The following C16orf74 variants were observed in gnomAD, a reference collection of about 807,000 sequenced individuals.
C16orf74 encodes the protein calcimembrin, also known as uncharacterized protein C16orf74.
Under a neutral mutation model 6.5 loss-of-function variants are expected in C16orf74, and 10 were observed. The observed-to-expected ratio is 1.54, with a 90% CI of 0.95 to 2.61. The LOEUF is 2.61. C16orf74 is among the 30% of genes most tolerant of loss of function. C16orf74 has a pLI of 0.00. For synonymous variants in C16orf74, 60 were observed against 42.5 expected, an observed-to-expected ratio of 1.41 and a Z score of -1.60; for missense variants, 141 against 105.9, an observed-to-expected ratio of 1.33 and a Z score of -1.45.
intron 2 of C16orf74, among the ~76,000 whole-genome samples, chr16:85,712,534 T>G (rs1598780184): frequency 6.6e-6 from 1 of 152,192 alleles, no homozygotes; most frequent in South Asian, 2.1e-4. Flanking sequence ...AGGTTACACC[T>G]GGGCTGTCAG....
In C16orf74 at chr16:85,710,171, C is replaced by G. The variant is rs779987426; in HGVS notation, c.165G>C (p.Gly55=). The G allele has an allele frequency of 9.6e-6, 14 of 1,454,818 alleles. No individual in the cohort carries two copies. In the African/African-American group the frequency reaches 2.1e-4, roughly 22 times the overall value. 90.1% of individuals were successfully genotyped at this position (1,454,818 alleles called of 1,614,324 possible). A position where few individuals can be genotyped will look rare whatever the true frequency, so the allele number is the denominator to read the frequency against. Residue 55 remains glycine, a synonymous_variant, in exon 3 of 4, where the codon GGG becomes GGC. Transcript: ENST00000284245. ...TGGAGGGGACGGCCTCACCTGTGCT[C>G]CCCAAGTCCCTCGGCAGCATCATGC... ...PTGMMLPRDL[G]STVWLDETGS...
At chr16:85,727,996 G>A (rs2054151370) in intron 2 of C16orf74, among the ~76,000 whole-genome samples, 2 of 150,478 alleles carry the variant, frequency 1.3e-5, no homozygotes, top group African/African-American at 4.9e-5. Flanking sequence ...AAAATTAGCT[G>A]GGCGTGGTGT....
At chr16:85,730,556 C>T (rs1048246559) in intron 2 of C16orf74, among the ~76,000 whole-genome samples, 2 of 131,346 alleles carry the variant, frequency 1.5e-5, no homozygotes, top group Admixed American at 8.1e-5. Flanking sequence ...TGAACCCCCA[C>T]ATCAGCCAAC....
intron 2 of C16orf74, among the ~76,000 whole-genome samples, chr16:85,714,836 C>T (rs544115228): frequency 6.6e-6 from 1 of 152,044 alleles, no homozygotes; most frequent in Non-Finnish European, 1.5e-5. Context: ...AGGTCTAATA[C>T]AGTGGGGTTT....
intron 1 of C16orf74, among the ~76,000 whole-genome samples, chr16:85,742,875 G>T (rs2054325630): frequency 6.6e-6 from 1 of 152,098 alleles, no homozygotes; most frequent in Non-Finnish European, 1.5e-5. Context: ...TCCAGCCTTG[G>T]GTATTCCTTT....
chr16:85,726,555 A>G (rs1414674090), intron 2 of C16orf74, among the ~76,000 whole-genome samples: 2 of 152,140 alleles, frequency 1.3e-5, no homozygotes, highest in Non-Finnish European at 2.9e-5. Context: ...AGCCCATTTT[A>G]CAGACAGGGA....
chr16:85,713,811 G>T (rs572677698), intron 2 of C16orf74, among the ~76,000 whole-genome samples: 1 of 152,154 alleles, frequency 6.6e-6, no homozygotes, highest in Non-Finnish European at 1.5e-5. Flanking sequence ...GTGCTGTCAC[G>T]CACCATCGTC....
At chr16:85,720,178 T>C (rs1337767252) in intron 2 of C16orf74, among the ~76,000 whole-genome samples, 1 of 152,122 alleles carries the variant, frequency 6.6e-6, no homozygotes, top group African/African-American at 2.4e-5. Flanking sequence ...GTGGATGTTT[T>C]AAATCTCTTT....
At chr16:85,737,138 AGAG>A (rs569878222) in intron 1 of C16orf74, among the ~76,000 whole-genome samples, 100 of 152,318 alleles carry the variant, frequency 6.6e-4, no homozygotes, top group African/African-American at 2.3e-3. Context: ...TGCTGGGGAC[AGAG>A]GAGAAGTCCG....
In C16orf74 at chr16:85,710,307, C is replaced by G. The variant is rs781002103; in HGVS notation, c.29G>C (p.Gly10Ala). Residue 10 changes from glycine to alanine, a missense_variant and splice_region_variant, in exon 3 of 4, where the codon GGC (glycine) becomes GCC (alanine). Transcript: ENST00000284245. Reference sequence around the variant, plus strand: ...GCTGCTGCTGACACACATTTGAAAGCCTGAGAAGCCAGGCGTGGAGCACAC... The same window carrying G: ...GCTGCTGCTGACACACATTTGAAAGGCTGAGAAGCCAGGCGTGGAGCACAC... MGLKMSCLK[G>A]FQMCVSSSSS... 6 of 1,505,184 alleles carry G rather than the reference C, an allele frequency of 4.0e-6. No homozygotes were observed. In the Admixed American group the frequency reaches 1.2e-4, roughly 31 times the overall value. The allele number at this position is 1,505,184 out of a possible 1,614,324, so 93.2% of individuals were successfully genotyped here. A position where few individuals can be genotyped will look rare whatever the true frequency, so the allele number is the denominator to read the frequency against.
intron 2 of C16orf74, among the ~76,000 whole-genome samples, chr16:85,731,701 T>C (rs1228965441): frequency 1.3e-5 from 2 of 152,078 alleles, no homozygotes; most frequent in Non-Finnish European, 2.9e-5. Flanking sequence ...ATTTTTTTTT[T>C]TTTTGAGACA....
chr16:85,709,135 A>G (rs1013259519), intron 3 of C16orf74, among the ~76,000 whole-genome samples: 1 of 152,212 alleles, frequency 6.6e-6, no homozygotes, highest in African/African-American at 2.4e-5. Flanking sequence ...TGGGCAGATC[A>G]CCTGAGGTCA....
chr16:85,714,780 C>T (rs1020741626), intron 2 of C16orf74, among the ~76,000 whole-genome samples: 1 of 151,938 alleles, frequency 6.6e-6, no homozygotes, highest in African/African-American at 2.4e-5. Context: ...CTCAGCCCAA[C>T]AGAACTCCGA....
At chr16:85,733,242 T>C (rs1053424372) in intron 2 of C16orf74, among the ~76,000 whole-genome samples, 4 of 152,224 alleles carry the variant, frequency 2.6e-5, no homozygotes, top group African/African-American at 7.2e-5. Context: ...GAAGCAGTGA[T>C]GCATGTTCAA....
At chr16:85,735,611 G>C (rs2054235688) in intron 1 of C16orf74, among the ~76,000 whole-genome samples, 1 of 152,072 alleles carries the variant, frequency 6.6e-6, no homozygotes, top group African/African-American at 2.4e-5. Context: ...CAGCTGCAGA[G>C]ATGTGAAGAC....
intron 2 of C16orf74, among the ~76,000 whole-genome samples, chr16:85,731,805 C>T (rs140253627): frequency 0.016 from 2,375 of 152,154 alleles, 171 homozygotes; most frequent in Admixed American, 0.13. Flanking sequence ...CTCCCACCTC[C>T]GCCTCCCAAG....
At chr16:85,730,993 T>C (rs762330953) in intron 2 of C16orf74, among the ~76,000 whole-genome samples, 7 of 152,200 alleles carry the variant, frequency 4.6e-5, no homozygotes, top group South Asian at 2.1e-4. Flanking sequence ...TTAAAAGTAA[T>C]CGTACCCGTT....
intron 1 of C16orf74, among the ~76,000 whole-genome samples, chr16:85,747,373 G>C (rs2054385805): frequency 6.6e-6 from 1 of 152,080 alleles, no homozygotes; most frequent in African/African-American, 2.4e-5. Context: ...GATCACCTGA[G>C]CCCAGGAGGT....
At chr16:85,750,505 T>A (rs1469680754) in intron 1 of C16orf74, among the ~76,000 whole-genome samples, 1 of 152,008 alleles carries the variant, frequency 6.6e-6, no homozygotes, top group Non-Finnish European at 1.5e-5. Context: ...GATTTGGAAA[T>A]ACTCGATAGA....
Sources: allele counts gnomAD v4.1 joint callset (sites outside exome capture counted in the v4.1 genomes callset), GRCh38; gene constraint gnomAD v4.1.1; transcripts MANE v1.5; gene names NCBI Gene and HGNC (gene_info 2026-07-23, HGNC 2026-07-21).